The following CADPS2 variants were observed in gnomAD, a reference collection of about 807,000 sequenced individuals.
CADPS2 encodes the protein calcium dependent secretion activator 2.
CADPS2 carries 93 observed loss-of-function variants against 172.5 expected under a neutral mutation model. The ratio of observed to expected loss-of-function variants is 0.54; its 90% CI spans 0.46 to 0.64. The LOEUF is 0.64. CADPS2 is among the 30% of genes least tolerant of loss of function. The pLI, the probability that CADPS2 is intolerant of heterozygous loss-of-function variation, is 0.00. For missense variants in CADPS2, 1,420 were observed against 1,565.9 expected, an observed-to-expected ratio of 0.91 and a Z score of 1.57; for synonymous variants, 546 against 555.2, an observed-to-expected ratio of 0.98 and a Z score of 0.23.
intron 5 of CADPS2, among the ~76,000 whole-genome samples, chr7:122,620,079 T>A (rs2075408878): frequency 6.6e-6 from 1 of 152,202 alleles, no homozygotes; most frequent in Non-Finnish European, 1.5e-5. Flanking sequence ...AAGTTTTCTT[T>A]TTCTGCCATA....
chr7:122,598,658 T>C (rs1391459276), intron 6 of CADPS2, among the ~76,000 whole-genome samples: 2 of 152,142 alleles, frequency 1.3e-5, no homozygotes, highest in East Asian at 3.9e-4. Flanking sequence ...TCAGTGAATA[T>C]CTATAGTTTT....
At chr7:122,805,399 C>G (rs1214133373) in intron 1 of CADPS2, among the ~76,000 whole-genome samples, 1 of 152,120 alleles carries the variant, frequency 6.6e-6, no homozygotes, top group Non-Finnish European at 1.5e-5. Context: ...ACCTAGTGAT[C>G]CGCCTGCCTT....
intron 3 of CADPS2, among the ~76,000 whole-genome samples, chr7:122,634,864 T>G (rs1390122747): frequency 6.6e-6 from 1 of 152,182 alleles, no homozygotes; most frequent in African/African-American, 2.4e-5. Flanking sequence ...CTATTTTCCT[T>G]AATTTTAAGG....
intron 9 of CADPS2, among the ~76,000 whole-genome samples, chr7:122,503,968 A>C (rs1372913129): frequency 6.6e-6 from 1 of 152,234 alleles, no homozygotes; most frequent in Non-Finnish European, 1.5e-5. Context: ...TAGTGTGGTC[A>C]GAAAGGCCTC....
chr7:122,503,832 CAT>C (rs1326414512), intron 9 of CADPS2, among the ~76,000 whole-genome samples: 1 of 152,116 alleles, frequency 6.6e-6, no homozygotes, highest in Non-Finnish European at 1.5e-5. Flanking sequence ...AAAGCCATCT[CAT>C]AGAGTGAGAA....
At chr7:122,485,727 A>C (rs571760799) in intron 11 of CADPS2, among the ~76,000 whole-genome samples, 1 of 152,354 alleles carries the variant, frequency 6.6e-6, no homozygotes, top group Admixed American at 6.5e-5. Context: ...GTGTAGACAA[A>C]ATAATCTTCT....
intron 1 of CADPS2, among the ~76,000 whole-genome samples, chr7:122,837,724 A>T (rs1808984878): frequency 6.6e-6 from 1 of 152,200 alleles, no homozygotes; most frequent in Non-Finnish European, 1.5e-5. Context: ...CCAACAATAA[A>T]CCAGGAAGAA....
intron 2 of CADPS2, among the ~76,000 whole-genome samples, chr7:122,732,354 A>C (rs1212379029): frequency 6.6e-6 from 1 of 151,266 alleles, no homozygotes; most frequent in Non-Finnish European, 1.5e-5. Flanking sequence ...TTTGAGATGG[A>C]GTAATTGTCT....
At chr7:122,850,251 C>A in intron 1 of CADPS2, 1 of 993,302 alleles carries the variant, frequency 1.0e-6, no homozygotes, top group Non-Finnish European at 1.4e-6. Context: ...GACCCAGCTC[C>A]TGCTCCACTG....
At chr7:122,355,480 C>G (rs561647297) in intron 27 of CADPS2, among the ~76,000 whole-genome samples, 2 of 151,982 alleles carry the variant, frequency 1.3e-5, no homozygotes, top group East Asian at 3.9e-4. Flanking sequence ...ACTTCGGAAG[C>G]TGAGGCACGA....
intron 1 of CADPS2, among the ~76,000 whole-genome samples, chr7:122,739,571 C>G (rs2092364282): frequency 6.6e-6 from 1 of 152,042 alleles, no homozygotes; most frequent in African/African-American, 2.4e-5. Flanking sequence ...ACAAAATAAG[C>G]CAGAGTCACC....
At chr7:122,779,731 G>A (rs1029106071) in intron 1 of CADPS2, among the ~76,000 whole-genome samples, 4 of 152,240 alleles carry the variant, frequency 2.6e-5, no homozygotes, top group East Asian at 1.9e-4. Flanking sequence ...AGGAAATCAC[G>A]ATTCTCACAG....
intron 25 of CADPS2, among the ~76,000 whole-genome samples, chr7:122,374,889 A>G (rs2042173445): frequency 6.6e-6 from 1 of 152,184 alleles, no homozygotes; most frequent in Non-Finnish European, 1.5e-5. Context: ...AGTCATTCAT[A>G]TATCTGTATA....
rs1563338647 is a variant in CADPS2 at position 122,438,391 on chromosome 7, T to G, written c.2426A>C (p.Lys809Thr). The change falls in exon 17 of 30, where the codon AAA becomes ACA. Residue 809 changes from lysine to threonine, a missense_variant. Lys to Thr is a moderately conservative substitution (Grantham distance 78). Transcript: ENST00000449022. ...TCTAGTGTAATTGATCAAGGCAGCT[T>G]TCTCGAGACATTTTCTGACCACTTT... Reference protein sequence around the residue: ...VKKVVRKCLEKAALINYTRLT... With the variant: ...VKKVVRKCLETAALINYTRLT... 1 of 1,613,244 alleles carries G rather than the reference T, an allele frequency of 6.2e-7. No homozygotes were observed. Among genetic ancestry groups the G allele is most frequent in the Non-Finnish European group, 8.5e-7 (1 of 1,179,388 alleles).
chr7:122,328,636 GT>G (rs1321580451), intron 28 of CADPS2: 1 of 152,082 alleles, frequency 6.6e-6, no homozygotes, highest in Admixed American at 6.5e-5. Context: ...GCAAAAATAT[GT>G]TTTTTTCTTC....
At chr7:122,681,401 C>T (rs886653241) in intron 2 of CADPS2, 395 of 1,498,882 alleles carry the variant, frequency 2.6e-4, no homozygotes, top group Non-Finnish European at 3.4e-4. Context: ...GTGCCCGATG[C>T]GTGCCCAAGG....
intron 8 of CADPS2, among the ~76,000 whole-genome samples, chr7:122,546,192 T>C (rs753917065): frequency 6.6e-5 from 10 of 152,156 alleles, no homozygotes; most frequent in Non-Finnish European, 1.3e-4. Context: ...CACACATCTA[T>C]CACGCTAAAG....
intron 1 of CADPS2, among the ~76,000 whole-genome samples, chr7:122,758,975 A>G (rs778817071): frequency 1.3e-5 from 2 of 151,302 alleles, no homozygotes; most frequent in Non-Finnish European, 2.9e-5. Context: ...AACCAAAAAT[A>G]GCATCCTAGG....
intron 2 of CADPS2, among the ~76,000 whole-genome samples, chr7:122,725,302 T>G (rs1026239039): frequency 6.6e-6 from 1 of 151,974 alleles, no homozygotes; most frequent in Non-Finnish European, 1.5e-5. Context: ...GTTTGCAAAC[T>G]ACAACTCGTC....
Sources: gnomAD v4.1 joint callset for allele counts (sites outside exome capture counted in the v4.1 genomes callset) on GRCh38, gnomAD v4.1.1 for gene constraint, MANE v1.5 for transcripts, NCBI Gene and HGNC (gene_info 2026-07-23, HGNC 2026-07-21) for gene names.